The following ATXN7 variants were observed in gnomAD, a reference collection of about 807,000 sequenced individuals.
ATXN7 encodes ataxin-7.
A neutral mutation model predicts 70.5 loss-of-function variants in ATXN7; 12 were observed. The ratio of observed to expected loss-of-function variants is 0.17; its 90% CI spans 0.11 to 0.28. ATXN7 has a LOEUF of 0.28. ATXN7 is among the 10% of genes least tolerant of loss of function. The probability of loss-of-function intolerance (pLI) is 1.00; values close to 1 mark genes in which losing one functional copy is unlikely to be tolerated. For synonymous variants in ATXN7, 498 were observed against 448.7 expected (o/e 1.11, Z -1.39); for missense variants, 1,256 against 1,131.7 (o/e 1.11, Z -1.58).
At chr3:63,908,721 T>C (rs148594799) in intron 2 of ATXN7, among the ~76,000 whole-genome samples, 4 of 152,344 alleles carry the variant, frequency 2.6e-5, no homozygotes, top group African/African-American at 9.6e-5. Context: ...GTAGGAAAGG[T>C]CAACTTTTTG....
chr3:63,911,113 C>T (rs1704000353), intron 2 of ATXN7, among the ~76,000 whole-genome samples: 1 of 152,042 alleles, frequency 6.6e-6, no homozygotes, highest in East Asian at 1.9e-4. Context: ...ACACACATTA[C>T]AGGAGTTGAT....
intron 2 of ATXN7, chr3:63,905,053 A>G (rs1703788060): frequency 6.6e-6 from 1 of 151,922 alleles, no homozygotes; most frequent in African/African-American, 2.4e-5. Context: ...TCTTTTCTAC[A>G]TTCTAGTTCA....
chr3:63,893,609 A>C (rs559570415), intron 1 of ATXN7, among the ~76,000 whole-genome samples: 14 of 152,316 alleles, frequency 9.2e-5, no homozygotes, highest in African/African-American at 3.4e-4. Flanking sequence ...GCGTTCTACG[A>C]AGTGTTGAGA....
intron 4 of ATXN7, among the ~76,000 whole-genome samples, chr3:63,944,790 T>TTTTG (rs140332509): frequency 2.2e-3 from 333 of 152,136 alleles, no homozygotes; most frequent in African/African-American, 6.8e-3. Context: ...GGTTTTTGTT[T>TTTTG]TTTGTTTGTT....
chr3:63,965,128 A>G (rs1466090339), intron 5 of ATXN7, among the ~76,000 whole-genome samples: 1 of 152,184 alleles, frequency 6.6e-6, no homozygotes. Context: ...AATTTCTATA[A>G]TAGAAACCTC....
Position 63,982,174 on chromosome 3 carries a change from C to G in ATXN7, c.753-12C>G, listed in dbSNP as rs779951156. The G allele has an allele frequency of 2.5e-6, 4 of 1,613,980 alleles. No individual in the cohort carries two copies. The highest frequency in any genetic ancestry group is 3.4e-6 in the Non-Finnish European group (4 of 1,179,882). ...ACTCAGGCACTGGTTTTCTCACTTCCTCCTGTGACAGCATGACACCCTCTG... is the reference window on the plus strand; with the variant it reads ...ACTCAGGCACTGGTTTTCTCACTTCGTCCTGTGACAGCATGACACCCTCTG... On this transcript the variant is annotated splice_polypyrimidine_tract_variant and intron_variant, in intron 6 of 12. Coordinates refer to ENST00000674280, the MANE Select transcript of ATXN7 (RefSeq NM_001377405.1).
intron 4 of ATXN7, among the ~76,000 whole-genome samples, chr3:63,925,340 C>T (rs534516163): frequency 6.3e-4 from 96 of 152,270 alleles, no homozygotes; most frequent in African/African-American, 2.1e-3. Context: ...CAGTACCCGC[C>T]TATGGCCTGT....
rs376981592 is a variant in ATXN7 at position 63,990,756 on chromosome 3, C to T, written c.1579C>T (p.Arg527Trp). 29 of 1,613,954 alleles carry T rather than the reference C, an allele frequency of 1.8e-5. No homozygotes were observed. The highest frequency in any genetic ancestry group is 2.2e-5 in the East Asian group (1 of 44,892). Residue 527 changes from arginine to tryptophan, a missense_variant, in exon 11 of 13, where the codon CGG (arginine) becomes TGG (tryptophan). Coordinates refer to ENST00000674280, the MANE Select transcript of ATXN7 (RefSeq NM_001377405.1). ...CTTGCAGTTTTGCACATTTGGGAGC[C>T]GGCAGATAGGAAGAGGCTATTACGT... ...QPASFCTFGS[R>W]QIGRGYYVFD...
chr3:63,926,998 T>G (rs1704745442), intron 4 of ATXN7, among the ~76,000 whole-genome samples: 1 of 152,224 alleles, frequency 6.6e-6, no homozygotes, highest in Admixed American at 6.5e-5. Context: ...CGTGAACTCA[T>G]TCTTTTTATG....
intron 1 of ATXN7, 29 bp from the exon 2 acceptor site, chr3:63,898,370 A>T (rs141393914): frequency 5.9e-5 from 9 of 152,312 alleles, no homozygotes; most frequent in African/African-American, 2.2e-4. Flanking sequence ...CCACTGTTTC[A>T]TCCATTTGCC....
chr3:63,870,765 C>T (rs1702569259), intron 1 of ATXN7, among the ~76,000 whole-genome samples: 1 of 152,156 alleles, frequency 6.6e-6, no homozygotes, highest in South Asian at 2.1e-4. Context: ...AAGCTGCTAA[C>T]TAGACATTCT....
intron 5 of ATXN7, chr3:63,967,809 A>G: frequency 4.0e-6 from 6 of 1,509,806 alleles, no homozygotes; most frequent in African/African-American, 1.4e-5. Context: ...CAAATGTTAC[A>G]TAAGCCCAAA....
chr3:63,920,372 C>T (rs1019189650), intron 4 of ATXN7, among the ~76,000 whole-genome samples: 4 of 152,124 alleles, frequency 2.6e-5, no homozygotes, highest in African/African-American at 4.8e-5. Flanking sequence ...GAGGAAACTA[C>T]GACTCAGAAA....
chr3:63,927,844 T>G (rs1213736674), intron 4 of ATXN7, among the ~76,000 whole-genome samples: 1 of 152,200 alleles, frequency 6.6e-6, no homozygotes, highest in Non-Finnish European at 1.5e-5. Flanking sequence ...TCTGTTCCTC[T>G]TATCTTAGCC....
At chr3:63,968,184 G>A (rs1218036694) in intron 5 of ATXN7, among the ~76,000 whole-genome samples, 1 of 152,142 alleles carries the variant, frequency 6.6e-6, no homozygotes, top group Non-Finnish European at 1.5e-5. Flanking sequence ...TGGAGGGAGG[G>A]AGCCTGCAGA....
At chr3:63,925,687 G>A (rs1015415741) in intron 4 of ATXN7, among the ~76,000 whole-genome samples, 2 of 152,182 alleles carry the variant, frequency 1.3e-5, no homozygotes, top group Non-Finnish European at 2.9e-5. Flanking sequence ...CTGGATAGTG[G>A]GAGTGTGTGC....
intron 2 of ATXN7, among the ~76,000 whole-genome samples, chr3:63,910,694 T>G (rs1340578652): frequency 3.3e-5 from 5 of 152,222 alleles, no homozygotes; most frequent in African/African-American, 1.2e-4. Context: ...ATTAAATCTT[T>G]CCAATCATTT....
intron 8 of ATXN7, among the ~76,000 whole-genome samples, chr3:63,985,552 C>T (rs1228041080): frequency 6.6e-6 from 1 of 152,176 alleles, no homozygotes; most frequent in Non-Finnish European, 1.5e-5. Context: ...CCTGCATGTC[C>T]CTACCCTGAG....
Position 64,000,414 on chromosome 3 carries a change from G to A in ATXN7, c.*947G>A, listed in dbSNP as rs982293327. 1 of 152,466 alleles carries A rather than the reference G, an allele frequency of 6.6e-6. No individual in the cohort carries two copies. The highest frequency in any genetic ancestry group is 1.5e-5 in the Non-Finnish European group (1 of 67,996). 9.4% of individuals were successfully genotyped at this position (152,466 alleles called of 1,614,324 possible). ...AACAGTATGGCAGATTGGGTTGGTT[G>A]TCCTACCTGGTCTATTTTTAAAAGT... On this transcript the variant is annotated 3_prime_UTR_variant, in exon 13 of 13. Coordinates refer to ENST00000674280, the MANE Select transcript of ATXN7 (RefSeq NM_001377405.1).
Sources: gnomAD v4.1 joint callset for allele counts (sites outside exome capture counted in the v4.1 genomes callset) on GRCh38, gnomAD v4.1.1 for gene constraint, MANE v1.5 for transcripts, NCBI Gene and HGNC (gene_info 2026-07-23, HGNC 2026-07-21) for gene names.